The following GHR variants were observed in gnomAD, a reference collection of about 807,000 sequenced individuals.
The protein encoded by GHR is growth hormone receptor.
In GHR, 35 loss-of-function variants were observed where a neutral mutation model predicts 67.1. The ratio of observed to expected loss-of-function variants is 0.52; its 90% CI spans 0.40 to 0.69. GHR has a LOEUF of 0.69. Ranked by LOEUF, GHR falls within the 30% of genes least tolerant of loss-of-function variation. GHR has a pLI of 0.00. For missense variants in GHR, 792 were observed against 764.6 expected, an observed-to-expected ratio of 1.04 and a Z score of -0.42; for synonymous variants, 272 against 269.1, an observed-to-expected ratio of 1.01 and a Z score of -0.10.
intron 2 of GHR, among the ~76,000 whole-genome samples, chr5:42,611,556 C>T (rs1752891648): frequency 6.6e-6 from 1 of 152,124 alleles, no homozygotes. Flanking sequence ...GGACAAAACG[C>T]ACATGGTTTC....
chr5:42,526,466 A>T (rs1451884312), intron 1 of GHR, among the ~76,000 whole-genome samples: 2 of 152,258 alleles, frequency 1.3e-5, no homozygotes. Flanking sequence ...TATCCAGAAG[A>T]TATAGCTAAG....
chr5:42,689,496 G>A (rs954921427), intron 4 of GHR, among the ~76,000 whole-genome samples: 2 of 152,098 alleles, frequency 1.3e-5, no homozygotes, highest in Admixed American at 6.5e-5. Flanking sequence ...GCTGAAATGC[G>A]TGGTCCTAGG....
chr5:42,603,951 T>A (rs1752500932), intron 2 of GHR, among the ~76,000 whole-genome samples: 2 of 152,240 alleles, frequency 1.3e-5, no homozygotes, highest in South Asian at 4.1e-4. Context: ...AAACTGAGGT[T>A]CCCACAACCC....
chr5:42,601,991 A>T (rs1752397698), intron 2 of GHR, among the ~76,000 whole-genome samples: 1 of 152,202 alleles, frequency 6.6e-6, no homozygotes, highest in Admixed American at 6.5e-5. Flanking sequence ...GCATTTATTA[A>T]CAGTTAACCA....
intron 1 of GHR, among the ~76,000 whole-genome samples, chr5:42,425,891 C>T (rs987875949): frequency 6.6e-6 from 1 of 152,134 alleles, no homozygotes; most frequent in Non-Finnish European, 1.5e-5. Flanking sequence ...AAAGCCAACA[C>T]TTAATGGGCA....
At chr5:42,556,871 G>A (rs1174857319) in intron 1 of GHR, among the ~76,000 whole-genome samples, 2 of 152,170 alleles carry the variant, frequency 1.3e-5, no homozygotes, top group African/African-American at 2.4e-5. Context: ...TCGGAGTATG[G>A]CCAAGCATTT....
At chr5:42,593,149 A>G (rs547863546) in intron 2 of GHR, among the ~76,000 whole-genome samples, 1 of 152,338 alleles carries the variant, frequency 6.6e-6, no homozygotes, top group South Asian at 2.1e-4. Context: ...TATAATCAAT[A>G]TTGCATTAAA....
chr5:42,651,355 G>A (rs1250195500), intron 3 of GHR, among the ~76,000 whole-genome samples: 2 of 152,204 alleles, frequency 1.3e-5, no homozygotes, highest in Non-Finnish European at 2.9e-5. Flanking sequence ...CCAAGGCTGA[G>A]CTAAGTTATA....
intron 2 of GHR, among the ~76,000 whole-genome samples, chr5:42,590,736 A>C (rs1293145108): frequency 1.3e-5 from 2 of 152,218 alleles, no homozygotes. Context: ...TTACTCATAC[A>C]TGCTTGTTGA....
chr5:42,455,207 A>C (rs755959958), intron 1 of GHR, among the ~76,000 whole-genome samples: 20 of 152,104 alleles, frequency 1.3e-4, no homozygotes, highest in Non-Finnish European at 2.6e-4. Context: ...GTTTTCCCCC[A>C]TTCACACTTT....
rs142761545 is a variant in GHR, at chr5:42,436,004, G to A, written c.-12+12049G>A. On this transcript the variant is annotated intron_variant, in intron 1 of 9. Transcript: ENST00000230882. ...TGAGTCCTCATTGGTAAGCTAAGAG[G>A]TAGTCATAAGAGTGGGATAACTTGG... Among the ~76,000 whole-genome samples the A allele has an allele frequency of 2.8e-3, 429 of 152,292 alleles. 1 individual carries two copies. Among genetic ancestry groups the A allele is most frequent in the African/African-American group, 9.5e-3 (394 of 41,546 alleles).
intron 1 of GHR, among the ~76,000 whole-genome samples, chr5:42,448,573 C>T (rs990985701): frequency 2.1e-5 from 3 of 144,310 alleles, no homozygotes; most frequent in Non-Finnish European, 4.5e-5. Flanking sequence ...TATCTGTTTA[C>T]TATTATTATT....
chr5:42,457,429 A>T (rs1744307741), intron 1 of GHR, among the ~76,000 whole-genome samples: 1 of 152,212 alleles, frequency 6.6e-6, no homozygotes, highest in African/African-American at 2.4e-5. Flanking sequence ...GTCCACTTTA[A>T]TGTGCCAGCA....
chr5:42,697,516 T>C (rs1010856795), intron 5 of GHR, among the ~76,000 whole-genome samples: 2 of 150,652 alleles, frequency 1.3e-5, no homozygotes, highest in African/African-American at 4.9e-5. Flanking sequence ...AGGATAATTA[T>C]GTGTGTGTCT....
chr5:42,470,893 AT>A (rs1207021777), intron 1 of GHR, among the ~76,000 whole-genome samples: 1 of 151,996 alleles, frequency 6.6e-6, no homozygotes, highest in Non-Finnish European at 1.5e-5. Flanking sequence ...ATTTTTCCTT[AT>A]TACTCCATGT....
At chr5:42,651,457 G>A (rs1179859292) in intron 3 of GHR, among the ~76,000 whole-genome samples, 3 of 152,150 alleles carry the variant, frequency 2.0e-5, no homozygotes, top group Non-Finnish European at 4.4e-5. Flanking sequence ...CAGTCCAGGG[G>A]CCCTACATGA....
At chr5:42,682,413 T>G (rs562786681) in intron 3 of GHR, among the ~76,000 whole-genome samples, 1 of 152,226 alleles carries the variant, frequency 6.6e-6, no homozygotes, top group African/African-American at 2.4e-5. Context: ...GAGTCTATAG[T>G]AGTCATTTGT....
At chr5:42,571,052 C>G (rs1750278518) in intron 2 of GHR, among the ~76,000 whole-genome samples, 1 of 152,194 alleles carries the variant, frequency 6.6e-6, no homozygotes, top group Non-Finnish European at 1.5e-5. Context: ...TCAGTGCCTT[C>G]TTTTCCATCC....
intron 1 of GHR, among the ~76,000 whole-genome samples, chr5:42,456,688 C>A (rs1744276634): frequency 1.3e-5 from 2 of 152,202 alleles, no homozygotes; most frequent in South Asian, 4.1e-4. Flanking sequence ...GAAAACTAAA[C>A]TAGATGGTCT....
Sources: gnomAD v4.1 joint callset for allele counts (sites outside exome capture counted in the v4.1 genomes callset) on GRCh38, gnomAD v4.1.1 for gene constraint, MANE v1.5 for transcripts, NCBI Gene and HGNC (gene_info 2026-07-23, HGNC 2026-07-21) for gene names.